PDE11A: variants seen among roughly 807,000 people sequenced by gnomAD.
PDE11A encodes phosphodiesterase 11A.
A neutral mutation model predicts 100.5 loss-of-function variants in PDE11A; 100 were observed. The observed-to-expected ratio is 1.00, with a 90% confidence interval of 0.85 to 1.18. The LOEUF (loss-of-function observed/expected upper bound fraction) is 1.18, where lower values mean the gene tolerates loss of function less well. Ranked by LOEUF, PDE11A falls within the 50% of genes most tolerant of loss-of-function variation. The probability of loss-of-function intolerance (pLI) is 0.00; values close to 1 mark genes in which losing one functional copy is unlikely to be tolerated. For synonymous variants in PDE11A, 381 were observed against 420.8 expected, an observed-to-expected ratio of 0.91 and a Z score of 1.16; for missense variants, 1,141 against 1,152.6, an observed-to-expected ratio of 0.99 and a Z score of 0.15.
intron 10 of PDE11A, among the ~76,000 whole-genome samples, chr2:177,739,419 G>A (rs779634583): frequency 7.9e-5 from 12 of 152,088 alleles, no homozygotes; most frequent in East Asian, 1.9e-4. Context: ...GTTACTAACT[G>A]GATCCCATGC....
At chr2:177,842,635 A>G (rs2083509811) in intron 5 of PDE11A, among the ~76,000 whole-genome samples, 1 of 152,246 alleles carries the variant, frequency 6.6e-6, no homozygotes, top group Admixed American at 6.5e-5. Flanking sequence ...AGAACTGGGT[A>G]AGAGACACTG....
intron 1 of PDE11A, among the ~76,000 whole-genome samples, chr2:178,105,316 C>T (rs1251247936): frequency 2.6e-5 from 4 of 151,944 alleles, no homozygotes; most frequent in African/African-American, 2.4e-5. Flanking sequence ...AAAAATTAGC[C>T]GGGTGTGGTG....
chr2:177,876,000 A>G (rs1574242239), intron 4 of PDE11A, 77 bp from the exon 5 acceptor site: 2 of 853,312 alleles, frequency 2.3e-6, no homozygotes, highest in Non-Finnish European at 4.0e-6. Context: ...AAACATTTTC[A>G]TCTTTATAAT....
At chr2:177,809,126 G>A (rs1184539342) in intron 9 of PDE11A, among the ~76,000 whole-genome samples, 1 of 152,134 alleles carries the variant, frequency 6.6e-6, no homozygotes, top group Non-Finnish European at 1.5e-5. Context: ...TGGGGAGTTA[G>A]TGTCTCATGG....
At chr2:177,657,258 G>T (rs77297319) in intron 19 of PDE11A, among the ~76,000 whole-genome samples, 11,242 of 152,282 alleles carry the variant, frequency 0.074, 502 homozygotes, top group East Asian at 0.18. Flanking sequence ...ACATTATTAT[G>T]TAACAAGGAC....
At chr2:177,933,400 G>T (rs1007054968) in intron 2 of PDE11A, among the ~76,000 whole-genome samples, 10 of 152,078 alleles carry the variant, frequency 6.6e-5, no homozygotes, top group Non-Finnish European at 8.8e-5. Flanking sequence ...ACAAAGCCAG[G>T]CTGGGCACAG....
intron 11 of PDE11A, 52 bp from the exon 12 acceptor site, chr2:177,727,817 A>C (rs113781905): frequency 7.1e-6 from 8 of 1,121,174 alleles, no homozygotes; most frequent in Non-Finnish European, 1.1e-5. Flanking sequence ...ATTCTAGTGG[A>C]CCCTTATCTC....
At chr2:177,689,470 G>T (rs2081009577) in intron 15 of PDE11A, among the ~76,000 whole-genome samples, 1 of 152,000 alleles carries the variant, frequency 6.6e-6, no homozygotes, top group African/African-American at 2.4e-5. Flanking sequence ...GGTGCTTTTG[G>T]TCTTCTTACA....
At chr2:178,062,844 C>T (rs2086989920) in intron 1 of PDE11A, among the ~76,000 whole-genome samples, 1 of 152,054 alleles carries the variant, frequency 6.6e-6, no homozygotes, top group South Asian at 2.1e-4. Flanking sequence ...TTTCCAAACA[C>T]AAAAACATAA....
intron 2 of PDE11A, among the ~76,000 whole-genome samples, chr2:178,097,173 A>AC (rs1431074332): frequency 6.6e-6 from 1 of 152,208 alleles, no homozygotes; most frequent in Admixed American, 6.5e-5. Context: ...GGTGTGAGCC[A>AC]CCGTGCTCGG....
chr2:177,670,750 A>G (rs2080666812), intron 17 of PDE11A, among the ~76,000 whole-genome samples: 1 of 152,204 alleles, frequency 6.6e-6, no homozygotes, highest in African/African-American at 2.4e-5. Flanking sequence ...TAAAACTGAA[A>G]CACAATGCTA....
At chr2:177,723,336 C>T (rs1007463504) in intron 12 of PDE11A, 3 of 152,138 alleles carry the variant, frequency 2.0e-5, no homozygotes, top group African/African-American at 7.2e-5. Context: ...GCTACCTCCA[C>T]ATTAAGATTT....
At position 177,885,430 on chromosome 2, in the gene PDE11A, T is replaced by C. The variant is rs180893905; in HGVS notation, c.1303-9507A>G. On this transcript the variant is annotated intron_variant, in intron 4 of 19. Transcript: ENST00000286063. ...GAGTGTGCATAGATTTTGGTATCCA[T>C]GCGCTGTCCTGGAACCAATACCCAA... Among the ~76,000 whole-genome samples the C allele has an allele frequency of 3.1e-3, 467 of 152,234 alleles. 1 individual carries two copies. The highest frequency in any genetic ancestry group is 7.0e-3 in the African/African-American group (290 of 41,554).
intron 1 of PDE11A, among the ~76,000 whole-genome samples, chr2:178,017,065 C>T (rs971732303): frequency 6.6e-5 from 10 of 152,212 alleles, no homozygotes; most frequent in African/African-American, 2.4e-4. Flanking sequence ...TTTGTCTCTC[C>T]TATTTACTGC....
chr2:177,954,871 T>C (rs763799738), intron 2 of PDE11A, among the ~76,000 whole-genome samples: 12 of 152,232 alleles, frequency 7.9e-5, no homozygotes, highest in Admixed American at 2.0e-4. Flanking sequence ...AGCTCTGTCA[T>C]AGGGAATCAA....
chr2:177,746,114 C>G (rs1422406801), intron 10 of PDE11A, among the ~76,000 whole-genome samples: 6 of 152,082 alleles, frequency 3.9e-5, no homozygotes, highest in East Asian at 1.9e-4. Flanking sequence ...CTGGGGTAGA[C>G]AGAAGACAAT....
intron 17 of PDE11A, among the ~76,000 whole-genome samples, chr2:177,675,138 G>A (rs140440779): frequency 1.3e-3 from 199 of 151,854 alleles, no homozygotes; most frequent in Non-Finnish European, 1.4e-3. Context: ...GTACTGAGAT[G>A]TGATTATCTT....
At chr2:177,925,476 G>A (rs1456473654) in intron 2 of PDE11A, among the ~76,000 whole-genome samples, 5 of 152,010 alleles carry the variant, frequency 3.3e-5, no homozygotes, top group African/African-American at 1.2e-4. Flanking sequence ...TTCTCTGATG[G>A]CCAGTGATGA....
chr2:177,987,276 T>A (rs1265403288), intron 2 of PDE11A, among the ~76,000 whole-genome samples: 1 of 152,176 alleles, frequency 6.6e-6, no homozygotes, highest in Non-Finnish European at 1.5e-5. Context: ...AGGCCTCAAT[T>A]ACCTACTCCA....
Sources: allele counts gnomAD v4.1 joint callset (sites outside exome capture counted in the v4.1 genomes callset), GRCh38; gene constraint gnomAD v4.1.1; transcripts MANE v1.5; gene names NCBI Gene and HGNC (gene_info 2026-07-23, HGNC 2026-07-21).